Variants in SV2C observed in about 807,000 individuals in gnomAD.
SV2C encodes the protein solute carrier family 22 member B3.
In SV2C, 49 loss-of-function variants were observed where a neutral mutation model predicts 79.7. That is an observed-to-expected ratio of 0.61 (90% confidence interval 0.49 to 0.78). The LOEUF (loss-of-function observed/expected upper bound fraction) is 0.78. Among genes scored for constraint, SV2C ranks in the 30% least tolerant of loss-of-function variants. The pLI is 0.00. For missense variants in SV2C, 833 were observed against 912.9 expected (o/e 0.91, Z 1.13); for synonymous variants, 334 against 333.2 (o/e 1.00, Z -0.03).
At chr5:76,315,811 G>A (rs141564190) in intron 12 of SV2C, among the ~76,000 whole-genome samples, 1 of 152,312 alleles carries the variant, frequency 6.6e-6, no homozygotes, top group African/African-American at 2.4e-5. Context: ...AAAGGGATGG[G>A]AAGCCTTTGG....
chr5:76,305,743 C>G (rs765660846), intron 12 of SV2C, among the ~76,000 whole-genome samples: 9 of 152,168 alleles, frequency 5.9e-5, no homozygotes, highest in Non-Finnish European at 1.3e-4. Flanking sequence ...TCTGTAAATG[C>G]CATCAACATC....
At chr5:76,071,564 C>T in the SV2C span, among the ~76,000 whole-genome samples, 4 of 152,150 alleles carry the variant, frequency 2.6e-5, no homozygotes, top group Admixed American at 2.6e-4. Context: ...ACTATTAATA[C>T]CGAATGTTTC....
the SV2C span, among the ~76,000 whole-genome samples, chr5:75,950,481 T>C: frequency 6.6e-6 from 1 of 152,078 alleles, no homozygotes; most frequent in South Asian, 2.1e-4. Context: ...TGAAAACTTC[T>C]ATATCCAAAA....
At chr5:76,022,638 T>C in the SV2C span, among the ~76,000 whole-genome samples, 3 of 152,222 alleles carry the variant, frequency 2.0e-5, no homozygotes, top group Non-Finnish European at 4.4e-5. Flanking sequence ...CTCTGTCCAG[T>C]CATTCTCAAA....
chr5:76,326,086 A>T lies in SV2C; in HGVS notation c.*539A>T, dbSNP rs1453530107. 6.6e-6 allele frequency: 1 copy of T among 152,388 alleles called. No homozygotes were observed. The highest frequency in any genetic ancestry group is 1.5e-5 in the Non-Finnish European group (1 of 68,258). The allele number at this position is 152,388 out of a possible 1,614,324, so 9.4% of individuals were successfully genotyped here. On this transcript the variant is annotated 3_prime_UTR_variant, in exon 13 of 13. Transcript: ENST00000502798. ...TTTCAAAGAAAACCATGTGGCACCAAACAGGGCTGGGTGGGGCTCTTTGGG... is the reference window on the plus strand; with the variant it reads ...TTTCAAAGAAAACCATGTGGCACCATACAGGGCTGGGTGGGGCTCTTTGGG...
At chr5:76,053,481 T>C in the SV2C span, among the ~76,000 whole-genome samples, 1 of 152,248 alleles carries the variant, frequency 6.6e-6, no homozygotes, top group Non-Finnish European at 1.5e-5. Flanking sequence ...TGACAATTTA[T>C]GGTCTGTTTA....
chr5:76,101,598 A>T (rs1747744777), intron 1 of SV2C, among the ~76,000 whole-genome samples: 1 of 152,176 alleles, frequency 6.6e-6, no homozygotes, highest in South Asian at 2.1e-4. Context: ...AGAACTTTCA[A>T]ACAGTACTTA....
the SV2C span, among the ~76,000 whole-genome samples, chr5:75,897,892 T>C: frequency 6.6e-6 from 1 of 152,102 alleles, no homozygotes; most frequent in Admixed American, 6.5e-5. Flanking sequence ...TGTATAAGAA[T>C]GCTTGTGATT....
the SV2C span, among the ~76,000 whole-genome samples, chr5:75,980,237 C>CA: frequency 5.3e-5 from 8 of 151,850 alleles, no homozygotes; most frequent in African/African-American, 1.7e-4. Context: ...GCCTACCATC[C>CA]AAAAAAAGCT....
At chr5:76,093,233 T>C (rs545300516) in intron 1 of SV2C, among the ~76,000 whole-genome samples, 27 of 152,130 alleles carry the variant, frequency 1.8e-4, no homozygotes, top group Non-Finnish European at 3.1e-4. Context: ...TATCTCCCAC[T>C]ATCCTGACTT....
At chr5:76,027,998 C>T in the SV2C span, among the ~76,000 whole-genome samples, 228 of 152,312 alleles carry the variant, frequency 1.5e-3, 1 homozygote, top group African/African-American at 5.3e-3. Flanking sequence ...TTGAGGGGAT[C>T]CCTACACAGA....
chr5:76,279,789 A>C (rs1054192269), intron 4 of SV2C, among the ~76,000 whole-genome samples: 1 of 152,136 alleles, frequency 6.6e-6, no homozygotes, highest in African/African-American at 2.4e-5. Context: ...CAGGTGTCAG[A>C]TAGAGATATG....
chr5:76,077,579 T>C, the SV2C span, among the ~76,000 whole-genome samples: 11 of 152,212 alleles, frequency 7.2e-5, 1 homozygote, highest in Admixed American at 7.2e-4. Flanking sequence ...GTTGCTGATC[T>C]TCCACAATTT....
At chr5:75,888,397 G>A in the SV2C span, among the ~76,000 whole-genome samples, 1 of 151,644 alleles carries the variant, frequency 6.6e-6, no homozygotes, top group Non-Finnish European at 1.5e-5. Flanking sequence ...CAACGGACTG[G>A]CCCCTTTCCC....
intron 8 of SV2C, among the ~76,000 whole-genome samples, chr5:76,295,400 C>T (rs1278128968): frequency 6.6e-6 from 1 of 152,160 alleles, no homozygotes; most frequent in African/African-American, 2.4e-5. Context: ...TTAATCACCT[C>T]CTAAAGCCCC....
the SV2C span, among the ~76,000 whole-genome samples, chr5:75,852,217 G>A: frequency 6.6e-6 from 1 of 152,096 alleles, no homozygotes; most frequent in South Asian, 2.1e-4. Flanking sequence ...TAATATAGAT[G>A]ATGAGTTGAT....
the SV2C span, among the ~76,000 whole-genome samples, chr5:75,878,029 C>G: frequency 6.6e-6 from 1 of 150,680 alleles, no homozygotes; most frequent in Non-Finnish European, 1.5e-5. Flanking sequence ...GTAAATATAA[C>G]AAAAACCACT....
the SV2C span, among the ~76,000 whole-genome samples, chr5:75,949,554 G>C: frequency 2.0e-5 from 3 of 152,018 alleles, no homozygotes; most frequent in Non-Finnish European, 4.4e-5. Context: ...CGTGGTGGGA[G>C]ATAGCTGGAT....
At chr5:76,243,365 G>C (rs893585459) in intron 4 of SV2C, among the ~76,000 whole-genome samples, 1 of 152,142 alleles carries the variant, frequency 6.6e-6, no homozygotes, top group South Asian at 2.1e-4. Context: ...TTATTTCCTG[G>C]TATAACTCAA....
Sources: allele counts gnomAD v4.1 joint callset (sites outside exome capture counted in the v4.1 genomes callset), GRCh38; gene constraint gnomAD v4.1.1; transcripts MANE v1.5; gene names NCBI Gene and HGNC (gene_info 2026-07-23, HGNC 2026-07-21).